The following WASHC2C variants were observed in gnomAD, a reference collection of about 807,000 sequenced individuals.
WASHC2C encodes WASH complex subunit 2C, also known as Vaccinia Penetration Factor.
In WASHC2C, 73 loss-of-function variants were observed where a neutral mutation model predicts 142.2. That is an observed-to-expected ratio of 0.51 (90% CI 0.43 to 0.62). The LOEUF (loss-of-function observed/expected upper bound fraction) is 0.62. Among genes scored for constraint, WASHC2C ranks in the 20% least tolerant of loss-of-function variants. The probability of loss-of-function intolerance (pLI) is 0.00; values close to 1 mark genes in which losing one functional copy is unlikely to be tolerated. For missense variants in WASHC2C, 969 were observed against 1,531.7 expected (o/e 0.63, Z 6.13); for synonymous variants, 337 against 565.5 (o/e 0.60, Z 5.73).
intron 5 of WASHC2C, among the ~76,000 whole-genome samples, chr10:45,741,614 CT>C (rs1364100699): frequency 6.6e-6 from 1 of 152,160 alleles, no homozygotes; most frequent in African/African-American, 2.4e-5. Flanking sequence ...TGAACCTTTA[CT>C]TTAACCTTCC....
intron 4 of WASHC2C, among the ~76,000 whole-genome samples, chr10:45,739,190 A>C (rs1554866157): frequency 6.6e-6 from 1 of 151,492 alleles, no homozygotes; most frequent in East Asian, 1.9e-4. Context: ...TTAACTCAGA[A>C]TCAAGCATAT....
At chr10:45,740,837 T>C (rs1193218878) in intron 5 of WASHC2C, among the ~76,000 whole-genome samples, 2 of 152,134 alleles carry the variant, frequency 1.3e-5, no homozygotes, top group African/African-American at 2.4e-5. Context: ...AAAGAGACAA[T>C]TGGGGTGACA....
chr10:45,752,357 G>A (rs1238798710), intron 11 of WASHC2C, among the ~76,000 whole-genome samples: 1 of 144,668 alleles, frequency 6.9e-6, no homozygotes, highest in African/African-American at 2.5e-5. Flanking sequence ...TGAATGCTGT[G>A]TGCCACAGAC....
In WASHC2C at chr10:45,769,564, C is replaced by G; in HGVS notation, c.1985C>G (p.Thr662Ser). 1 of 1,611,892 alleles carries G rather than the reference C, an allele frequency of 6.2e-7. No individual in the cohort carries two copies. Among genetic ancestry groups the G allele is most frequent in the Non-Finnish European group, 8.5e-7 (1 of 1,179,846 alleles). Residue 662 changes from threonine to serine, a missense_variant, in exon 20 of 31, where the codon ACC becomes AGC. Physicochemically the swap from Thr to Ser is moderately conservative, Grantham distance 58 (BLOSUM62 1). Transcript: ENST00000623400. ...QSQEAKAVKK[T>S]SLFEEDKEDD... ...CAGGAGGCCAAGGCTGTGAAAAAGA[C>G]CAGTCTCTTTGAGGAAGACAAAGAA...
At chr10:45,752,365 G>A (rs1200791999) in intron 11 of WASHC2C, among the ~76,000 whole-genome samples, 1 of 152,310 alleles carries the variant, frequency 6.6e-6, no homozygotes, top group Non-Finnish European at 1.5e-5. Context: ...GTGTGCCACA[G>A]ACGTGGACAG....
intron 3 of WASHC2C, among the ~76,000 whole-genome samples, chr10:45,731,359 T>C (rs1310219522): frequency 7.7e-6 from 1 of 129,072 alleles, no homozygotes; most frequent in East Asian, 2.2e-4. Flanking sequence ...TAGTTGGGAT[T>C]ACAGGCTCCC....
intron 15 of WASHC2C, among the ~76,000 whole-genome samples, chr10:45,756,810 G>T (rs1385117414): frequency 2.0e-5 from 3 of 152,212 alleles, no homozygotes; most frequent in Non-Finnish European, 2.9e-5. Context: ...TATCTGTTCT[G>T]TCTTTCAACT....
chr10:45,788,731 T>C (rs1338384509), intron 28 of WASHC2C, 140 bp from the exon 29 acceptor site: 81 of 1,347,022 alleles, frequency 6.0e-5, no homozygotes, highest in Non-Finnish European at 7.2e-5. Context: ...AGAAATAACC[T>C]CTTCTATGTT....
intron 23 of WASHC2C, among the ~76,000 whole-genome samples, chr10:45,782,610 G>T (rs1200404889): frequency 6.6e-6 from 1 of 151,738 alleles, no homozygotes; most frequent in Non-Finnish European, 1.5e-5. Flanking sequence ...TTATTCCTGG[G>T]TACATATCCA....
At chr10:45,791,500 CTCTG>C (rs1449887438) in intron 30 of WASHC2C, among the ~76,000 whole-genome samples, 6 of 146,262 alleles carry the variant, frequency 4.1e-5, no homozygotes, top group South Asian at 2.2e-4. Context: ...CCCTATTCTG[CTCTG>C]TCTTTTAGTT....
At chr10:45,784,281 T>TACACACACAC (rs1207152561) in intron 23 of WASHC2C, among the ~76,000 whole-genome samples, 1 of 9,046 alleles carries the variant, frequency 1.1e-4, no homozygotes, top group South Asian at 0.014. Flanking sequence ...TATATATATA[T>TACACACACAC]ATATATATAC....
At chr10:45,766,963 A>G (rs1241685511) in intron 19 of WASHC2C, among the ~76,000 whole-genome samples, 2 of 152,198 alleles carry the variant, frequency 1.3e-5, no homozygotes, top group African/African-American at 4.8e-5. Context: ...ATTGCAAAAA[A>G]AAATGTATTA....
chr10:45,761,621 C>T (rs1364967201), intron 17 of WASHC2C, among the ~76,000 whole-genome samples: 1 of 152,152 alleles, frequency 6.6e-6, no homozygotes, highest in Non-Finnish European at 1.5e-5. Flanking sequence ...AGGAATGCGT[C>T]CTGACTCCTT....
intron 17 of WASHC2C, among the ~76,000 whole-genome samples, chr10:45,761,303 A>G (rs2055045370): frequency 6.6e-6 from 1 of 152,160 alleles, no homozygotes; most frequent in African/African-American, 2.4e-5. Context: ...GTCCTCAGAG[A>G]GAGCCCGATG....
intron 13 of WASHC2C, 135 bp downstream of exon 13, chr10:45,753,372 A>G: frequency 1.1e-6 from 1 of 916,718 alleles, no homozygotes; most frequent in South Asian, 1.7e-5. Context: ...ACTGCGGTCC[A>G]GTTGAAAGTA....
chr10:45,766,071 G>C (rs2055764557), intron 19 of WASHC2C, among the ~76,000 whole-genome samples: 1 of 152,206 alleles, frequency 6.6e-6, no homozygotes, highest in Non-Finnish European at 1.5e-5. Context: ...CCGGCTAGGG[G>C]GGAAATGATT....
chr10:45,748,383 C>T (rs1473141919), intron 8 of WASHC2C, among the ~76,000 whole-genome samples: 34 of 147,796 alleles, frequency 2.3e-4, no homozygotes, highest in Admixed American at 1.2e-3. Flanking sequence ...TCCACCTCCT[C>T]GGTTCAAGTG....
intron 26 of WASHC2C, 149 bp from the exon 27 acceptor site, chr10:45,786,463 C>G (rs568364960): frequency 1.1e-6 from 1 of 896,500 alleles, no homozygotes; most frequent in South Asian, 1.4e-5. Flanking sequence ...AGTGAAACAT[C>G]AGGCCCCAGG....
intron 29 of WASHC2C, 96 bp from the exon 30 acceptor site, chr10:45,790,260 C>G: frequency 1.3e-6 from 2 of 1,593,014 alleles, no homozygotes; most frequent in Non-Finnish European, 8.6e-7. Flanking sequence ...TTCCACACAC[C>G]CTGGCCAATT....
Sources: allele counts gnomAD v4.1 joint callset (sites outside exome capture counted in the v4.1 genomes callset), GRCh38; gene constraint gnomAD v4.1.1; transcripts MANE v1.5; gene names NCBI Gene and HGNC (gene_info 2026-07-23, HGNC 2026-07-21).